Variants in MCC observed in about 807,000 individuals in gnomAD.
The protein encoded by MCC is MCC regulator of Wnt signaling pathway, also known as colorectal mutant cancer protein.
MCC carries 90 observed loss-of-function variants against 116.2 expected under a neutral mutation model. That is an observed-to-expected ratio of 0.77 (90% CI 0.65 to 0.92). The LOEUF is 0.92. Ranked by LOEUF, MCC falls within the 40% of genes least tolerant of loss-of-function variation. The pLI is 0.00. For synonymous variants in MCC, 578 were observed against 510.5 expected, an observed-to-expected ratio of 1.13 and a Z score of -1.78; for missense variants, 1,516 against 1,312.2, an observed-to-expected ratio of 1.16 and a Z score of -2.40.
chr5:113,211,828 A>G (rs1763145900), intron 3 of MCC, among the ~76,000 whole-genome samples: 1 of 152,246 alleles, frequency 6.6e-6, no homozygotes, highest in Admixed American at 6.5e-5. Flanking sequence ...GAAGACATTT[A>G]TTAGAAACAA....
At chr5:113,352,539 T>C (rs1490322378) in intron 2 of MCC, among the ~76,000 whole-genome samples, 1 of 152,132 alleles carries the variant, frequency 6.6e-6, no homozygotes, top group Non-Finnish European at 1.5e-5. Flanking sequence ...ACTAGAAATA[T>C]TAATTCAAAG....
chr5:113,149,272 T>C (rs1487351449), intron 4 of MCC, among the ~76,000 whole-genome samples: 2 of 151,986 alleles, frequency 1.3e-5, no homozygotes, highest in Admixed American at 6.5e-5. Flanking sequence ...AAAAAAGCAC[T>C]GAAAAAGTTT....
At chr5:113,297,983 G>A (rs1256808932) in intron 3 of MCC, among the ~76,000 whole-genome samples, 1 of 152,138 alleles carries the variant, frequency 6.6e-6, no homozygotes, top group African/African-American at 2.4e-5. Context: ...GGTGGCATCA[G>A]GATATTCAAA....
At chr5:113,387,777 A>T (rs1285747465) in intron 1 of MCC, among the ~76,000 whole-genome samples, 8 of 152,216 alleles carry the variant, frequency 5.3e-5, no homozygotes, top group Non-Finnish European at 8.8e-5. Context: ...AAAAGAAATG[A>T]AATAATACAT....
chr5:113,338,523 A>G (rs114543942), intron 3 of MCC, among the ~76,000 whole-genome samples: 26 of 152,364 alleles, frequency 1.7e-4, no homozygotes, highest in African/African-American at 6.3e-4. Context: ...ACAGTTTTCA[A>G]TAGCAGATTT....
At position 113,082,927 on chromosome 5, in the gene MCC, A is replaced by G. The variant is rs1754959587; in HGVS notation, c.1717T>C (p.Ser573Pro). 1.9e-6 allele frequency: 3 copies of G among 1,614,206 alleles called. No homozygotes were observed. The highest frequency in any genetic ancestry group is 2.5e-6 in the Non-Finnish European group (3 of 1,180,034). The change falls in exon 11 of 19, where the codon TCA becomes CCA. Residue 573 changes from serine to proline, a missense_variant. Physicochemically the swap from Ser to Pro is moderately conservative, Grantham distance 74. Coordinates refer to ENST00000408903, the MANE Select transcript of MCC (RefSeq NM_001085377.2). ...NIQEIFQTLY[S>P]HGSAISESKI... Reference sequence around the variant, plus strand: ...CTTTCTGAGATGGCAGATCCGTGTGAGTAGAGTGTTTGGAAAATCTCTTGG... The same window carrying G: ...CTTTCTGAGATGGCAGATCCGTGTGGGTAGAGTGTTTGGAAAATCTCTTGG...
chr5:113,117,404 G>T (rs1280630915), intron 6 of MCC, among the ~76,000 whole-genome samples: 1 of 152,240 alleles, frequency 6.6e-6, no homozygotes, highest in Non-Finnish European at 1.5e-5. Context: ...GATCACACCA[G>T]AAAGCAAGGT....
At chr5:113,147,171 C>A (rs769187571) in intron 4 of MCC, among the ~76,000 whole-genome samples, 5 of 152,128 alleles carry the variant, frequency 3.3e-5, no homozygotes, top group Non-Finnish European at 7.3e-5. Flanking sequence ...TTGTGTCTAG[C>A]CACATAAATT....
chr5:113,265,520 C>A (rs536654501), intron 3 of MCC, among the ~76,000 whole-genome samples: 1 of 152,274 alleles, frequency 6.6e-6, no homozygotes, highest in African/African-American at 2.4e-5. Flanking sequence ...CTCTAGAAAT[C>A]TCAGGCTTCT....
At chr5:113,460,454 T>A (rs907295518) in intron 1 of MCC, among the ~76,000 whole-genome samples, 1 of 152,166 alleles carries the variant, frequency 6.6e-6, no homozygotes, top group African/African-American at 2.4e-5. Flanking sequence ...TACCTTGTCT[T>A]TTCCCCCAAA....
At chr5:113,484,525 T>C (rs768571366) in intron 1 of MCC, among the ~76,000 whole-genome samples, 14 of 152,012 alleles carry the variant, frequency 9.2e-5, no homozygotes, top group Non-Finnish European at 2.1e-4. Flanking sequence ...AGAATGACAA[T>C]AAACAGGCAA....
chr5:113,159,391 T>C (rs1405230528), intron 3 of MCC, among the ~76,000 whole-genome samples: 1 of 152,020 alleles, frequency 6.6e-6, no homozygotes, highest in African/African-American at 2.4e-5. Context: ...ATGGAATGAG[T>C]TTTCAGAATC....
intron 18 of MCC, among the ~76,000 whole-genome samples, chr5:113,028,712 G>A (rs965183108): frequency 1.3e-5 from 2 of 152,312 alleles, no homozygotes; most frequent in African/African-American, 4.8e-5. Flanking sequence ...GCCAAAGGAT[G>A]TTGTTACTGA....
chr5:113,330,925 C>G (rs1295926791), intron 3 of MCC, among the ~76,000 whole-genome samples: 1 of 152,218 alleles, frequency 6.6e-6, no homozygotes, highest in Non-Finnish European at 1.5e-5. Context: ...TCTGTTGGTG[C>G]CAACACTTTC....
intron 1 of MCC, chr5:113,433,824 G>T: frequency 6.2e-7 from 1 of 1,613,966 alleles, no homozygotes; most frequent in Non-Finnish European, 8.5e-7. Context: ...CAGGATCTCC[G>T]ACTGCCTGGA....
Position 113,488,276 on chromosome 5 carries a change from A to C in MCC, c.139T>G (p.Cys47Gly). 6.3e-7 allele frequency: 1 copy of C among 1,595,426 alleles called. No individual in the cohort carries two copies. The highest frequency in any genetic ancestry group is 2.4e-5 in the East Asian group (1 of 41,004). ...ATGTATCCGTCCCCGTCGCCGTCGC[A>C]CGTCTGGAAGAGGCGCCGCATCCTC... is the stretch of plus-strand genomic sequence containing the variant. Reference protein sequence around the residue: ...EERMRRLFQTCDGDGDGYISR... With the variant: ...EERMRRLFQTGDGDGDGYISR... Residue 47 changes from cysteine to glycine, a missense_variant, in exon 1 of 19, where the codon TGC (cysteine) becomes GGC (glycine). Physicochemically the swap from Cys to Gly is radical, Grantham distance 159. Coordinates refer to ENST00000408903, the MANE Select transcript of MCC (RefSeq NM_001085377.2).
intron 3 of MCC, among the ~76,000 whole-genome samples, chr5:113,292,039 G>C (rs6594698): frequency 0.23 from 35,222 of 152,000 alleles, 5,175 homozygotes; most frequent in African/African-American, 0.42. Flanking sequence ...AGACCAGCCT[G>C]GCCAACATAG....
chr5:113,376,389 A>G (rs1289571186), intron 2 of MCC, among the ~76,000 whole-genome samples: 3 of 152,308 alleles, frequency 2.0e-5, no homozygotes, highest in Middle Eastern at 3.4e-3. Flanking sequence ...AATTGAGTAG[A>G]GAAGATGGAT....
chr5:113,157,603 G>A (rs535962746), intron 3 of MCC, among the ~76,000 whole-genome samples: 1 of 152,172 alleles, frequency 6.6e-6, no homozygotes, highest in Non-Finnish European at 1.5e-5. Context: ...GGTAAACTGT[G>A]CTTGTTCTCT....
Sources: gnomAD v4.1 joint callset for allele counts (sites outside exome capture counted in the v4.1 genomes callset) on GRCh38, gnomAD v4.1.1 for gene constraint, MANE v1.5 for transcripts, NCBI Gene and HGNC (gene_info 2026-07-23, HGNC 2026-07-21) for gene names.